Variants in USH2A observed in about 807,000 individuals in gnomAD.
The protein encoded by USH2A is Usher syndrome 2A (autosomal recessive, mild).
In USH2A, 443 loss-of-function variants were observed where a neutral mutation model predicts 538.9. The observed-to-expected ratio is 0.82, with a 90% CI of 0.76 to 0.89. The LOEUF is 0.89. Among genes scored for constraint, USH2A ranks in the 40% least tolerant of loss-of-function variants. The pLI, the probability that USH2A is intolerant of heterozygous loss-of-function variation, is 0.00. For synonymous variants in USH2A, 2,413 were observed against 2,273.5 expected (o/e 1.06, Z -1.75); for missense variants, 6,633 against 6,324.8 (o/e 1.05, Z -1.65).
chr1:215,917,247 T>G (rs1327743261), intron 38 of USH2A, among the ~76,000 whole-genome samples: 1 of 152,084 alleles, frequency 6.6e-6, no homozygotes, highest in Non-Finnish European at 1.5e-5. Flanking sequence ...GACATTTGAA[T>G]TCGTCTTAGT....
Position 216,422,480 on chromosome 1 carries a change from A to C in USH2A, c.-144T>G. On this transcript the variant is annotated 5_prime_UTR_variant, in exon 2 of 72. An upstream open reading frame in the 5' UTR loses its in-frame stop. Transcript: ENST00000307340. ...TTCTGGAAACTGCAGACACGTTCTCAGAGTAAGGTAATACCAACGACGTTC... is the reference window on the plus strand; with the variant it reads ...TTCTGGAAACTGCAGACACGTTCTCCGAGTAAGGTAATACCAACGACGTTC... The C allele has an allele frequency of 8.2e-7, 1 of 1,224,616 alleles. No individual in the cohort carries two copies. The allele number at this position is 1,224,616 out of a possible 1,614,324, so 75.9% of individuals were successfully genotyped here.
chr1:216,332,273 C>T (rs2037881224), intron 4 of USH2A, among the ~76,000 whole-genome samples: 1 of 152,144 alleles, frequency 6.6e-6, no homozygotes, highest in African/African-American at 2.4e-5. Flanking sequence ...ACAGCATTTA[C>T]TCTGTTTGTT....
In USH2A at chr1:215,753,265, G is replaced by T. The variant is rs546163912; in HGVS notation, c.11389+5330C>A. On this transcript the variant is annotated intron_variant, in intron 58 of 71. Coordinates refer to ENST00000307340, the MANE Select transcript of USH2A (RefSeq NM_206933.4). ...GAAGTCAGTGTGGCGATTCCTCAGG[G>T]ATCTTGAACTAGAAATACCATTTGA... Among the ~76,000 whole-genome samples, 879 of 152,164 alleles carry T rather than the reference G, an allele frequency of 5.8e-3. 13 individuals carry two copies. Among genetic ancestry groups the T allele is most frequent in the African/African-American group, 0.02 (842 of 41,474 alleles).
intron 9 of USH2A, among the ~76,000 whole-genome samples, chr1:216,300,409 G>C (rs1024019620): frequency 6.6e-6 from 1 of 152,102 alleles, no homozygotes; most frequent in Admixed American, 6.5e-5. Flanking sequence ...GGCTATATCA[G>C]GGTCAAGGAC....
At chr1:215,752,493 G>A (rs1269682572) in intron 58 of USH2A, among the ~76,000 whole-genome samples, 1 of 152,130 alleles carries the variant, frequency 6.6e-6, no homozygotes, top group Non-Finnish European at 1.5e-5. Flanking sequence ...TCTCTTTACA[G>A]CAATTTGAGA....
At chr1:216,252,974 G>A (rs1365403738) in intron 11 of USH2A, among the ~76,000 whole-genome samples, 1 of 152,124 alleles carries the variant, frequency 6.6e-6, no homozygotes, top group East Asian at 1.9e-4. Flanking sequence ...GATCAGTCCT[G>A]TTCTCCAAAG....
At chr1:216,017,130 G>C (rs370182855) in intron 32 of USH2A, among the ~76,000 whole-genome samples, 2 of 152,068 alleles carry the variant, frequency 1.3e-5, no homozygotes, top group East Asian at 3.9e-4. Flanking sequence ...TAAAATGAGA[G>C]AAAGCCCCTC....
chr1:216,080,612 C>A (rs2031910680), intron 26 of USH2A, among the ~76,000 whole-genome samples: 1 of 151,710 alleles, frequency 6.6e-6, no homozygotes, highest in Non-Finnish European at 1.5e-5. Flanking sequence ...GTGGAGGAGG[C>A]TTCACAGACA....
intron 14 of USH2A, among the ~76,000 whole-genome samples, chr1:216,222,612 A>G (rs900717246): frequency 6.6e-6 from 1 of 152,180 alleles, no homozygotes; most frequent in Non-Finnish European, 1.5e-5. Context: ...GAGAGAAAAC[A>G]TGTAAGGACA....
intron 45 of USH2A, 83 bp downstream of exon 45, chr1:215,845,741 G>A: frequency 6.9e-7 from 1 of 1,452,492 alleles, no homozygotes; most frequent in Non-Finnish European, 9.5e-7. Context: ...TATAATGGAG[G>A]GATGACTGAT....
At chr1:216,346,031 G>A (rs1028500559) in intron 4 of USH2A, among the ~76,000 whole-genome samples, 4 of 152,098 alleles carry the variant, frequency 2.6e-5, no homozygotes, top group African/African-American at 7.2e-5. Flanking sequence ...TCAATTCCCA[G>A]CTTAGGGAAT....
rs994191342 is a variant in USH2A at position 216,370,129 on chromosome 1, T to C, written c.652-5044A>G. Among the ~76,000 whole-genome samples, 3 of 151,746 alleles carry C rather than the reference T, an allele frequency of 2.0e-5. No individual in the cohort carries two copies. In the South Asian group the frequency reaches 6.2e-4, roughly 32 times the overall value. On this transcript the variant is annotated intron_variant, in intron 3 of 71. Coordinates refer to ENST00000307340, the MANE Select transcript of USH2A (RefSeq NM_206933.4). ...ATCCCAGCACTTTGGGAGGCCGAGG[T>C]GGGCGGATCACTTGAGGTGAAAAGT...
At position 215,727,453 on chromosome 1, in the gene USH2A, G is replaced by A. The variant is rs541397514; in HGVS notation, c.12066+577C>T. Among the ~76,000 whole-genome samples the A allele has an allele frequency of 5.3e-5, 8 of 152,218 alleles. No homozygotes were observed. The South Asian group carries it at 6.2e-4, about 12-fold the overall frequency. On this transcript the variant is annotated intron_variant, in intron 61 of 71. Transcript: ENST00000307340. Reference sequence around the variant, plus strand: ...TAAATTATTTCCATTTAGGCCAGGCGCAGTGGCTTACGCCTGTAATCCCAG... The same window carrying A: ...TAAATTATTTCCATTTAGGCCAGGCACAGTGGCTTACGCCTGTAATCCCAG...
chr1:215,674,924 A>G lies in USH2A; in HGVS notation c.12987T>C (p.Tyr4329=), dbSNP rs1203365063. The G allele has an allele frequency of 2.5e-5, 40 of 1,614,054 alleles. No individual in the cohort carries two copies. The highest frequency in any genetic ancestry group is 3.3e-5 in the Non-Finnish European group (39 of 1,180,026). ...TCGTGCAGGCTTGGAGTGCATAGCT[A>G]TAGGTGGAAAAAGGAAGAAGCTCTT... ...TDEELLPFST[Y]SYALQACTSG... is the part of the protein sequence containing the mutation. The change falls in exon 63 of 72, where the codon TAT becomes TAC. Residue 4329 remains tyrosine (Y), a synonymous_variant. Transcript: ENST00000307340.
chr1:215,642,599 T>G (rs1480872895), intron 67 of USH2A, among the ~76,000 whole-genome samples: 1 of 152,224 alleles, frequency 6.6e-6, no homozygotes, highest in African/African-American at 2.4e-5. Context: ...ACAAAGCTTA[T>G]AAATACTCCA....
intron 49 of USH2A, among the ~76,000 whole-genome samples, chr1:215,812,478 C>G (rs1392772686): frequency 1.3e-5 from 2 of 152,128 alleles, no homozygotes; most frequent in African/African-American, 4.8e-5. Flanking sequence ...CAGTATTTTG[C>G]AAAACAGACA....
At chr1:216,419,912 A>G (rs1009984751) in intron 2 of USH2A, among the ~76,000 whole-genome samples, 1 of 152,148 alleles carries the variant, frequency 6.6e-6, no homozygotes, top group African/African-American at 2.4e-5. Flanking sequence ...AAACACTAAT[A>G]GTCCCTCATT....
rs762923475 is a variant in USH2A, at chr1:215,650,686, T to C, written c.14249A>G (p.Gln4750Arg). 1 of 1,613,942 alleles carries C rather than the reference T, an allele frequency of 6.2e-7. No homozygotes were observed. The highest frequency in any genetic ancestry group is 1.7e-5 in the Admixed American group (1 of 59,996). The change falls in exon 65 of 72, where the codon CAA (glutamine) becomes CGA (arginine). Residue 4750 changes from glutamine (Q) to arginine (R), a missense_variant. Transcript: ENST00000307340. The stretch of plus-strand genomic sequence containing the variant: ...AGGGGCACTGATGTTGACCACTGCT[T>C]GGGTAGAAGAGATCACATGGAACGT... ...APTFHVISSTQAVVNISAPGK... is the reference protein window; with the variant it reads ...APTFHVISSTRAVVNISAPGK...
At chr1:216,065,635 G>A (rs953723170) in intron 30 of USH2A, among the ~76,000 whole-genome samples, 3 of 152,224 alleles carry the variant, frequency 2.0e-5, no homozygotes, top group Non-Finnish European at 4.4e-5. Flanking sequence ...AGTGGCTCAT[G>A]CCTGTAATCC....
Sources: gnomAD v4.1 joint callset for allele counts (sites outside exome capture counted in the v4.1 genomes callset) on GRCh38, gnomAD v4.1.1 for gene constraint, MANE v1.5 for transcripts, NCBI Gene and HGNC (gene_info 2026-07-23, HGNC 2026-07-21) for gene names.